SNX29: variants seen among roughly 807,000 people sequenced by gnomAD.
SNX29 encodes the protein sorting nexin-29.
A neutral mutation model predicts 102.1 loss-of-function variants in SNX29; 78 were observed. The observed-to-expected ratio is 0.76, with a 90% CI of 0.64 to 0.92. SNX29 has a LOEUF of 0.92. Among genes scored for constraint, SNX29 ranks in the 40% least tolerant of loss-of-function variants. The pLI, the probability that SNX29 is intolerant of heterozygous loss-of-function variation, is 0.00. For synonymous variants in SNX29, 580 were observed against 414.5 expected, an observed-to-expected ratio of 1.40 and a Z score of -4.85; for missense variants, 1,280 against 1,061.7, an observed-to-expected ratio of 1.21 and a Z score of -2.86.
chr16:12,560,655 C>T (rs75802007), intron 20 of SNX29: 1,938 of 155,334 alleles, frequency 0.012, 34 homozygotes, highest in African/African-American at 0.044. Context: ...ACCTAACTAG[C>T]ATCTTGGGGG....
Position 12,486,440 on chromosome 16 carries a change from C to T in SNX29, c.2178+8581C>T, listed in dbSNP as rs114404599. On this transcript the variant is annotated intron_variant, in intron 19 of 20. Transcript: ENST00000566228. ...GTACACCTCTTCTTCCTTCTTCCTTCTTCCTTGTCCTGGGTAGACAACTCT... is the reference window on the plus strand; with the variant it reads ...GTACACCTCTTCTTCCTTCTTCCTTTTTCCTTGTCCTGGGTAGACAACTCT... 2.4e-3 allele frequency among the ~76,000 whole-genome samples: 366 copies of T among 149,786 alleles called. 1 individual carries two copies. Among genetic ancestry groups the T allele is most frequent in the Non-Finnish European group, 4.2e-3 (287 of 67,640 alleles).
chr16:12,352,729 T>C (rs2082022457), intron 15 of SNX29, among the ~76,000 whole-genome samples: 1 of 152,196 alleles, frequency 6.6e-6, no homozygotes, highest in Non-Finnish European at 1.5e-5. Context: ...GAATCAAGGC[T>C]TCATTCCTGG....
chr16:12,370,768 C>A (rs2082653170), intron 16 of SNX29, among the ~76,000 whole-genome samples: 1 of 152,152 alleles, frequency 6.6e-6, no homozygotes, highest in Non-Finnish European at 1.5e-5. Flanking sequence ...GGTTCCCTGG[C>A]CAGCTGGTCT....
At chr16:12,102,329 G>C (rs957374467) in intron 11 of SNX29, among the ~76,000 whole-genome samples, 10 of 152,190 alleles carry the variant, frequency 6.6e-5, no homozygotes, top group Non-Finnish European at 1.2e-4. Context: ...CTAGATCCTT[G>C]AGGAATTGCC....
Position 12,214,283 on chromosome 16 carries a change from C to A in SNX29, c.1678+14600C>A, listed in dbSNP as rs142191614. On this transcript the variant is annotated intron_variant, in intron 14 of 20. Transcript: ENST00000566228. ...AACAGGAACAATTGGAGTGCCTCAG[C>A]TCCCTCCTCGGAAGGAGGCCAGACG... Among the ~76,000 whole-genome samples, 5 of 152,342 alleles carry A rather than the reference C, an allele frequency of 3.3e-5. No homozygotes were observed. The East Asian group carries it at 9.6e-4, about 29-fold the overall frequency.
chr16:12,320,301 A>G (rs745642764), intron 15 of SNX29, among the ~76,000 whole-genome samples: 8 of 152,058 alleles, frequency 5.3e-5, no homozygotes, highest in African/African-American at 1.4e-4. Flanking sequence ...CAGCCCTGCC[A>G]TTGGAAGGGG....
Position 12,069,056 on chromosome 16 carries a change from G to C in SNX29, c.1244-1G>C. On this transcript the variant is annotated splice_acceptor_variant, in intron 9 of 20. Transcript: ENST00000566228. LOFTEE classifies it high-confidence loss of function. ...TTTCTGTGATTGCTCTCTCTGCACAGATGCCCCCCTCGGAAGCCTGGAGAA... is the reference window on the plus strand; with the variant it reads ...TTTCTGTGATTGCTCTCTCTGCACACATGCCCCCCTCGGAAGCCTGGAGAA... 1 of 1,613,902 alleles carries C rather than the reference G, an allele frequency of 6.2e-7. No individual in the cohort carries two copies. The highest frequency in any genetic ancestry group is 8.5e-7 in the Non-Finnish European group (1 of 1,179,826).
chr16:12,308,767 G>A (rs1241643853), intron 15 of SNX29, among the ~76,000 whole-genome samples: 1 of 152,144 alleles, frequency 6.6e-6, no homozygotes, highest in African/African-American at 2.4e-5. Flanking sequence ...CAGCTGGAGA[G>A]TCTTGACAAC....
intron 13 of SNX29, among the ~76,000 whole-genome samples, chr16:12,158,788 T>C (rs971944864): frequency 6.6e-6 from 1 of 152,206 alleles, no homozygotes; most frequent in Non-Finnish European, 1.5e-5. Flanking sequence ...TGTTTCCTTA[T>C]TTGTGAAATG....
At chr16:12,254,163 G>C (rs893666319) in intron 14 of SNX29, among the ~76,000 whole-genome samples, 3 of 152,172 alleles carry the variant, frequency 2.0e-5, no homozygotes, top group Non-Finnish European at 4.4e-5. Context: ...CATCTACGGA[G>C]AGACAGAAGG....
At chr16:12,046,565 A>G in intron 6 of SNX29, 111 bp downstream of exon 6, 1 of 934,738 alleles carries the variant, frequency 1.1e-6, no homozygotes, top group South Asian at 1.4e-5. Flanking sequence ...TCCCTCAACA[A>G]CTCAATGAGT....
intron 20 of SNX29, among the ~76,000 whole-genome samples, chr16:12,540,508 G>T (rs1287070262): frequency 4.6e-5 from 7 of 152,226 alleles, no homozygotes; most frequent in Non-Finnish European, 1.0e-4. Flanking sequence ...GCCTTCTCGA[G>T]GTTGTGGGGC....
At chr16:12,351,997 T>C (rs562204411) in intron 15 of SNX29, among the ~76,000 whole-genome samples, 2 of 152,332 alleles carry the variant, frequency 1.3e-5, no homozygotes, top group South Asian at 4.1e-4. Context: ...CCCAGCCATT[T>C]GGAGTTAAAC....
At chr16:12,267,646 C>T (rs989065962) in intron 14 of SNX29, among the ~76,000 whole-genome samples, 4 of 152,156 alleles carry the variant, frequency 2.6e-5, no homozygotes, top group African/African-American at 4.8e-5. Context: ...CAGGGCTGTC[C>T]GGAAAGAGCA....
In SNX29 at chr16:12,068,130, T is replaced by C. The variant is rs1349985400; in HGVS notation, c.1244-927T>C. Among the ~76,000 whole-genome samples the C allele has an allele frequency of 3.3e-5, 5 of 152,168 alleles. No homozygotes were observed. In the East Asian group the frequency reaches 7.7e-4, roughly 23 times the overall value. ...AAGCTGATTCATTATACCCGGTTTC[T>C]GGCCCTGGTTCTGAATATGGACTTC... On this transcript the variant is annotated intron_variant, in intron 9 of 20. Coordinates refer to ENST00000566228, the MANE Select transcript of SNX29 (RefSeq NM_032167.5).
chr16:12,438,384 C>G (rs908509693), intron 18 of SNX29, among the ~76,000 whole-genome samples: 1 of 152,140 alleles, frequency 6.6e-6, no homozygotes, highest in Non-Finnish European at 1.5e-5. Flanking sequence ...GTGTCCTTCT[C>G]CTTTCCCCCT....
At chr16:12,355,986 A>T (rs2082124137) in intron 15 of SNX29, among the ~76,000 whole-genome samples, 177 bp from the exon 16 acceptor site, 2 of 151,962 alleles carry the variant, frequency 1.3e-5, no homozygotes, top group African/African-American at 4.8e-5. Context: ...AGGTCAAGAC[A>T]CATTGAGCTT....
At chr16:12,527,990 A>ATT (rs59840717) in intron 20 of SNX29, among the ~76,000 whole-genome samples, 90,734 of 147,286 alleles carry the variant, frequency 0.62, 30,631 homozygotes, top group East Asian at 0.95. Context: ...ATGCCTGGCT[A>ATT]TTTTTTTTTT....
intron 20 of SNX29, among the ~76,000 whole-genome samples, chr16:12,539,650 CCA>C (rs1567674782): frequency 2.0e-5 from 3 of 152,146 alleles, no homozygotes; most frequent in Non-Finnish European, 4.4e-5. Context: ...AACTGCATTC[CCA>C]CAGCGTATGA....
Sources: gnomAD v4.1 joint callset for allele counts (sites outside exome capture counted in the v4.1 genomes callset) on GRCh38, gnomAD v4.1.1 for gene constraint, MANE v1.5 for transcripts, NCBI Gene and HGNC (gene_info 2026-07-23, HGNC 2026-07-21) for gene names.